The following ZNF521 variants were observed in gnomAD, a reference collection of about 807,000 sequenced individuals.
The protein encoded by ZNF521 is zinc finger protein 521, also known as LYST-interacting protein 3.
ZNF521 carries 14 observed loss-of-function variants against 105.5 expected under a neutral mutation model. The ratio of observed to expected loss-of-function variants is 0.13; its 90% CI spans 0.09 to 0.21. ZNF521 has a LOEUF of 0.21. ZNF521 is among the 10% of genes least tolerant of loss of function. ZNF521 has a pLI of 1.00. For synonymous variants in ZNF521, 635 were observed against 606.0 expected, an observed-to-expected ratio of 1.05 and a Z score of -0.70; for missense variants, 1,233 against 1,629.7, an observed-to-expected ratio of 0.76 and a Z score of 4.19.
chr18:25,197,426 G>A (rs2035921489), intron 4 of ZNF521, among the ~76,000 whole-genome samples: 1 of 151,832 alleles, frequency 6.6e-6, no homozygotes, highest in South Asian at 2.1e-4. Flanking sequence ...AAGCCATGAT[G>A]TAAAATTCAT....
chr18:25,146,507 T>C (rs2034946435), intron 5 of ZNF521, among the ~76,000 whole-genome samples: 1 of 152,100 alleles, frequency 6.6e-6, no homozygotes, highest in African/African-American at 2.4e-5. Flanking sequence ...TACATAAAAA[T>C]GAGCATCTTT....
intron 5 of ZNF521, among the ~76,000 whole-genome samples, chr18:25,177,828 C>A (rs1388316084): frequency 6.6e-6 from 1 of 152,196 alleles, no homozygotes; most frequent in African/African-American, 2.4e-5. Flanking sequence ...GACCTCACAT[C>A]CAGACCCAGA....
intron 4 of ZNF521, among the ~76,000 whole-genome samples, chr18:25,198,910 T>C (rs1281117889): frequency 1.3e-5 from 2 of 151,938 alleles, no homozygotes; most frequent in Non-Finnish European, 2.9e-5. Context: ...CCTTTGATCA[T>C]TGCAAAGCAA....
chr18:25,241,795 TTATTTG>T (rs1907353767), intron 3 of ZNF521, among the ~76,000 whole-genome samples: 1 of 152,188 alleles, frequency 6.6e-6, no homozygotes, highest in Non-Finnish European at 1.5e-5. Flanking sequence ...AGAAAAACCA[TTATTTG>T]TAAGTATTCA....
chr18:25,319,856 C>T (rs1361236167), intron 3 of ZNF521, among the ~76,000 whole-genome samples: 1 of 152,240 alleles, frequency 6.6e-6, no homozygotes, highest in Non-Finnish European at 1.5e-5. Context: ...GTGATTCAGG[C>T]TTCTTTGGAG....
intron 2 of ZNF521, among the ~76,000 whole-genome samples, chr18:25,332,105 C>T (rs1386797143): frequency 1.3e-5 from 2 of 151,194 alleles, no homozygotes; most frequent in African/African-American, 2.4e-5. Context: ...CTCCAAATGG[C>T]TGTCAAACTG....
chr18:25,163,643 T>C (rs1275570245), intron 5 of ZNF521, among the ~76,000 whole-genome samples: 1 of 152,174 alleles, frequency 6.6e-6, no homozygotes, highest in Non-Finnish European at 1.5e-5. Flanking sequence ...ACAGTGCCCA[T>C]TTCATGGCTA....
At chr18:25,292,436 A>G (rs1911084335) in intron 3 of ZNF521, among the ~76,000 whole-genome samples, 1 of 152,188 alleles carries the variant, frequency 6.6e-6, no homozygotes, top group Non-Finnish European at 1.5e-5. Context: ...GGCATTTCCA[A>G]CAAATTCTTC....
intron 5 of ZNF521, among the ~76,000 whole-genome samples, chr18:25,155,656 T>C (rs2035129393): frequency 6.6e-6 from 1 of 152,200 alleles, no homozygotes; most frequent in African/African-American, 2.4e-5. Flanking sequence ...GTTTTCCCAG[T>C]AGCATGTATG....
Position 25,195,249 on chromosome 18 carries a change from G to A in ZNF521, c.3574-5C>T. 6.3e-7 allele frequency: 1 copy of A among 1,575,574 alleles called. No individual in the cohort carries two copies. Among genetic ancestry groups the A allele is most frequent in the African/African-American group, 1.4e-5 (1 of 72,142 alleles). Reference sequence around the variant, plus strand: ...GATGCATTGATAGGTCTTCTTCTGAGAAAACAAGTATAAACAGAGTTACTT... The same window carrying A: ...GATGCATTGATAGGTCTTCTTCTGAAAAAACAAGTATAAACAGAGTTACTT... On this transcript the variant is annotated splice_region_variant and splice_polypyrimidine_tract_variant and intron_variant, in intron 4 of 7. Transcript: ENST00000361524.
chr18:25,310,271 A>G (rs1213882751), intron 3 of ZNF521, among the ~76,000 whole-genome samples: 3 of 152,156 alleles, frequency 2.0e-5, no homozygotes, highest in African/African-American at 7.2e-5. Context: ...CATGCCTACT[A>G]TACACATACT....
At chr18:25,122,694 C>T (rs2034465545) in intron 5 of ZNF521, among the ~76,000 whole-genome samples, 1 of 152,070 alleles carries the variant, frequency 6.6e-6, no homozygotes, top group Non-Finnish European at 1.5e-5. Flanking sequence ...TCTCACTTCT[C>T]CCTCTGATTG....
intron 3 of ZNF521, among the ~76,000 whole-genome samples, chr18:25,298,753 A>G (rs1327668211): frequency 6.6e-6 from 1 of 152,206 alleles, no homozygotes; most frequent in African/African-American, 2.4e-5. Context: ...TGCTTTAAAA[A>G]AAATCATTGG....
At chr18:25,150,891 C>CTTTT (rs559303954) in intron 5 of ZNF521, among the ~76,000 whole-genome samples, 2 of 132,198 alleles carry the variant, frequency 1.5e-5, no homozygotes, top group African/African-American at 2.8e-5. Context: ...TTTCTTTTTT[C>CTTTT]TTTTTTTTTT....
intron 3 of ZNF521, among the ~76,000 whole-genome samples, chr18:25,256,103 A>G (rs966855058): frequency 1.3e-5 from 2 of 151,118 alleles, no homozygotes; most frequent in African/African-American, 4.8e-5. Context: ...ATATTGTCAC[A>G]TGATGCAACA....
intron 3 of ZNF521, among the ~76,000 whole-genome samples, chr18:25,247,632 T>G (rs1907822595): frequency 6.6e-6 from 1 of 152,100 alleles, no homozygotes; most frequent in Non-Finnish European, 1.5e-5. Flanking sequence ...AACATAGAAT[T>G]TGTGAGAGGA....
At chr18:25,090,998 C>T (rs140930545) in intron 6 of ZNF521, among the ~76,000 whole-genome samples, 128 of 152,290 alleles carry the variant, frequency 8.4e-4, no homozygotes, top group African/African-American at 2.9e-3. Context: ...GAGCCATCAA[C>T]GTACTCAGTT....
At chr18:25,239,623 G>A (rs1334577260) in intron 3 of ZNF521, among the ~76,000 whole-genome samples, 2 of 152,218 alleles carry the variant, frequency 1.3e-5, no homozygotes, top group Non-Finnish European at 2.9e-5. Context: ...TCAGGGAGGC[G>A]ATGCTAGAAT....
chr18:25,266,544 G>A (rs920386197), intron 3 of ZNF521, among the ~76,000 whole-genome samples: 4 of 152,152 alleles, frequency 2.6e-5, no homozygotes, highest in African/African-American at 9.7e-5. Flanking sequence ...TTCCAACTGA[G>A]GTACCCAGTT....
Sources: allele counts gnomAD v4.1 joint callset (sites outside exome capture counted in the v4.1 genomes callset), GRCh38; gene constraint gnomAD v4.1.1; transcripts MANE v1.5; gene names NCBI Gene and HGNC (gene_info 2026-07-23, HGNC 2026-07-21).